The following PRKG1 variants were observed in gnomAD, a reference collection of about 807,000 sequenced individuals.
PRKG1 encodes protein kinase cGMP-dependent 1.
A neutral mutation model predicts 88.1 loss-of-function variants in PRKG1; 35 were observed. The observed-to-expected ratio is 0.40, with a 90% CI of 0.30 to 0.53. The LOEUF is 0.53. Ranked by LOEUF, PRKG1 falls within the 20% of genes least tolerant of loss-of-function variation. The pLI, the probability that PRKG1 is intolerant of heterozygous loss-of-function variation, is 0.59. For synonymous variants in PRKG1, 303 were observed against 292.5 expected, an observed-to-expected ratio of 1.04 and a Z score of -0.37; for missense variants, 540 against 839.8, an observed-to-expected ratio of 0.64 and a Z score of 4.41.
chr10:51,901,348 T>G (rs1420178337), intron 4 of PRKG1, among the ~76,000 whole-genome samples: 1 of 152,214 alleles, frequency 6.6e-6, no homozygotes, highest in Non-Finnish European at 1.5e-5. Flanking sequence ...TGTCTGTAGC[T>G]TCATTCATTT....
chr10:51,891,365 T>G (rs937651755), intron 4 of PRKG1, among the ~76,000 whole-genome samples: 5 of 152,204 alleles, frequency 3.3e-5, no homozygotes, highest in African/African-American at 1.2e-4. Context: ...TTTTATTTAT[T>G]AAGAGTTAAT....
intron 2 of PRKG1, among the ~76,000 whole-genome samples, chr10:51,294,239 A>G (rs1328962858): frequency 6.6e-6 from 1 of 151,984 alleles, no homozygotes; most frequent in Non-Finnish European, 1.5e-5. Context: ...TCACTTGTAT[A>G]TTATTACTTT....
At chr10:51,821,403 T>C (rs989917573) in intron 4 of PRKG1, among the ~76,000 whole-genome samples, 1 of 152,090 alleles carries the variant, frequency 6.6e-6, no homozygotes, top group Non-Finnish European at 1.5e-5. Flanking sequence ...AGCATATATA[T>C]AACTTTTATA....
chr10:51,759,001 C>T (rs1837946765), intron 3 of PRKG1, among the ~76,000 whole-genome samples: 1 of 152,054 alleles, frequency 6.6e-6, no homozygotes, highest in Non-Finnish European at 1.5e-5. Context: ...CCAGCTTCAT[C>T]CATGTCTCTG....
At chr10:51,708,281 T>C (rs1337844387) in intron 3 of PRKG1, among the ~76,000 whole-genome samples, 4 of 152,156 alleles carry the variant, frequency 2.6e-5, no homozygotes, top group Admixed American at 1.3e-4. Context: ...ACACCCATTG[T>C]ATTAGATGAG....
chr10:51,531,821 T>C (rs147820003), intron 3 of PRKG1, among the ~76,000 whole-genome samples: 1 of 151,782 alleles, frequency 6.6e-6, no homozygotes, highest in Non-Finnish European at 1.5e-5. Context: ...ATTTTTGTAT[T>C]TTTAGTAGAC....
At chr10:51,452,841 T>C (rs1284807631) in intron 2 of PRKG1, among the ~76,000 whole-genome samples, 2 of 152,010 alleles carry the variant, frequency 1.3e-5, no homozygotes, top group East Asian at 1.9e-4. Context: ...TTTCTATATG[T>C]TTTGTAATAG....
chr10:51,337,694 G>A (rs530608933), intron 2 of PRKG1, among the ~76,000 whole-genome samples: 16 of 152,188 alleles, frequency 1.1e-4, no homozygotes, highest in South Asian at 2.1e-4. Context: ...TCAAAACCAC[G>A]ATGAGATACC....
chr10:51,792,873 G>T (rs1421733798), intron 3 of PRKG1, among the ~76,000 whole-genome samples: 1 of 151,998 alleles, frequency 6.6e-6, no homozygotes, highest in East Asian at 1.9e-4. Context: ...TGCTTATTCA[G>T]CTTTTTTACT....
intron 3 of PRKG1, among the ~76,000 whole-genome samples, chr10:51,740,427 A>G (rs905987420): frequency 1.3e-5 from 2 of 152,248 alleles, no homozygotes; most frequent in Admixed American, 6.5e-5. Flanking sequence ...CAAAACTATT[A>G]CATGTCAACT....
upstream of PRKG1, among the ~76,000 whole-genome samples, chr10:51,071,424 C>T (rs1387197020): frequency 6.6e-6 from 1 of 152,050 alleles, no homozygotes; most frequent in Admixed American, 6.6e-5. Context: ...ATAACACAGC[C>T]TGAGATAACT....
chr10:51,178,179 A>C (rs999767558), intron 2 of PRKG1, among the ~76,000 whole-genome samples: 5 of 152,204 alleles, frequency 3.3e-5, no homozygotes, highest in Non-Finnish European at 1.5e-5. Context: ...GTGATTAAAA[A>C]ATATATTTAC....
chr10:52,114,049 A>G (rs1199141724), intron 7 of PRKG1, among the ~76,000 whole-genome samples: 1 of 152,094 alleles, frequency 6.6e-6, no homozygotes, highest in East Asian at 1.9e-4. Context: ...ACAAGAATAG[A>G]AGGGAGTGGT....
chr10:51,150,720 T>C (rs1300348003), intron 1 of PRKG1, among the ~76,000 whole-genome samples: 1 of 152,046 alleles, frequency 6.6e-6, no homozygotes, highest in East Asian at 1.9e-4. Flanking sequence ...ATGTCCTCCA[T>C]CCAAAATAAA....
intron 4 of PRKG1, among the ~76,000 whole-genome samples, chr10:51,841,321 A>G (rs1439724167): frequency 6.6e-6 from 1 of 152,166 alleles, no homozygotes. Flanking sequence ...GACATGGTCT[A>G]TTTTTTCAAA....
chr10:51,947,859 G>T (rs1001559515), intron 5 of PRKG1, among the ~76,000 whole-genome samples: 4 of 152,088 alleles, frequency 2.6e-5, no homozygotes, highest in African/African-American at 9.7e-5. Flanking sequence ...ATGAGGAAAT[G>T]ACCAGGAAGT....
At chr10:51,163,228 G>T (rs183475466) in intron 2 of PRKG1, among the ~76,000 whole-genome samples, 6 of 152,110 alleles carry the variant, frequency 3.9e-5, no homozygotes, top group Admixed American at 3.3e-4. Context: ...TGCTGTTCAC[G>T]GTCTGTGTAG....
chr10:51,826,377 G>A (rs889402222), intron 4 of PRKG1, among the ~76,000 whole-genome samples: 4 of 152,124 alleles, frequency 2.6e-5, no homozygotes, highest in Non-Finnish European at 4.4e-5. Flanking sequence ...TGGCAATAGA[G>A]AAAATTTGTT....
chr10:51,934,250 A>C (rs1490781379), intron 5 of PRKG1, among the ~76,000 whole-genome samples: 1 of 121,114 alleles, frequency 8.3e-6, no homozygotes, highest in East Asian at 2.3e-4. Flanking sequence ...GATTACACAC[A>C]CATACCCCCC....
Sources: allele counts gnomAD v4.1 joint callset (sites outside exome capture counted in the v4.1 genomes callset), GRCh38; gene constraint gnomAD v4.1.1; transcripts MANE v1.5; gene names NCBI Gene and HGNC (gene_info 2026-07-23, HGNC 2026-07-21).